The following SEMA6D variants were observed in gnomAD, a reference collection of about 807,000 sequenced individuals.
SEMA6D encodes the protein semaphorin-6D.
Under a neutral mutation model 106.6 loss-of-function variants are expected in SEMA6D, and 35 were observed. That is an observed-to-expected ratio of 0.33 (90% confidence interval 0.25 to 0.44). The LOEUF is 0.44. SEMA6D is among the 20% of genes least tolerant of loss of function. The pLI is 1.00. For synonymous variants in SEMA6D, 499 were observed against 487.7 expected (o/e 1.02, Z -0.31); for missense variants, 1,185 against 1,345.9 (o/e 0.88, Z 1.87).
intron 4 of SEMA6D, among the ~76,000 whole-genome samples, chr15:47,611,148 T>TACACACACAC (rs71432248): frequency 0.013 from 1,874 of 141,610 alleles, 35 homozygotes; most frequent in African/African-American, 0.046. Flanking sequence ...CCGTCCTACA[T>TACACACACAC]ACACACACAC....
intron 1 of SEMA6D, among the ~76,000 whole-genome samples, chr15:47,408,308 C>G (rs544503502): frequency 1.1e-4 from 16 of 152,264 alleles, no homozygotes; most frequent in African/African-American, 3.9e-4. Context: ...AATGTATCTA[C>G]TGAGTAGTGT....
intron 1 of SEMA6D, among the ~76,000 whole-genome samples, chr15:47,259,464 CTT>C (rs59400435): frequency 6.9e-6 from 1 of 144,670 alleles, no homozygotes; most frequent in Non-Finnish European, 1.5e-5. Flanking sequence ...GTTGAGAGTT[CTT>C]TTTTTTTTTT....
At chr15:47,587,172 G>A (rs552549020) in intron 3 of SEMA6D, among the ~76,000 whole-genome samples, 1 of 152,200 alleles carries the variant, frequency 6.6e-6, no homozygotes, top group East Asian at 1.9e-4. Context: ...AAAGCTGAAG[G>A]AGGCAGGCTG....
rs765504142 is a variant in SEMA6D, at chr15:47,486,155, A to T, written c.-87+15610A>T. On this transcript the variant is annotated intron_variant, in intron 3 of 19. Coordinates refer to the SEMA6D transcript ENST00000558014. ...AACTCATTTTTAGTTAAAGCATTTT[A>T]AAAAAGTATACAAGGCAGAGTTGCA... Among the ~76,000 whole-genome samples, 8 of 152,316 alleles carry T rather than the reference A, an allele frequency of 5.3e-5. No homozygotes were observed. The South Asian group carries it at 6.2e-4, about 12-fold the overall frequency.
At chr15:47,564,872 G>A (rs937787347) in intron 3 of SEMA6D, among the ~76,000 whole-genome samples, 2 of 152,110 alleles carry the variant, frequency 1.3e-5, no homozygotes, top group Non-Finnish European at 2.9e-5. Context: ...GGACAACTAT[G>A]GCTGGATGTT....
intron 3 of SEMA6D, among the ~76,000 whole-genome samples, chr15:47,553,344 T>C (rs2045820322): frequency 6.6e-6 from 1 of 152,156 alleles, no homozygotes; most frequent in African/African-American, 2.4e-5. Flanking sequence ...CATAATTGCC[T>C]CTAACTACCA....
At chr15:47,635,210 G>A (rs1484871792) in intron 4 of SEMA6D, among the ~76,000 whole-genome samples, 1 of 152,146 alleles carries the variant, frequency 6.6e-6, no homozygotes, top group Non-Finnish European at 1.5e-5. Flanking sequence ...CAGGAACTAG[G>A]GGAATGTTTA....
chr15:47,312,679 T>C (rs535415518), intron 1 of SEMA6D, among the ~76,000 whole-genome samples: 2 of 152,214 alleles, frequency 1.3e-5, no homozygotes, highest in Middle Eastern at 3.4e-3. Context: ...TTCTCTAATA[T>C]CTATATTAAA....
intron 3 of SEMA6D, among the ~76,000 whole-genome samples, chr15:47,595,496 A>G (rs2076517854): frequency 6.6e-6 from 1 of 152,058 alleles, no homozygotes; most frequent in Non-Finnish European, 1.5e-5. Context: ...GTTGTTGTTG[A>G]GGATTTTTGC....
rs553706048 is a variant in SEMA6D at position 47,762,338 on chromosome 15, G to A, written c.658+19G>A. On this transcript the variant is annotated intron_variant, in intron 8 of 18. Coordinates refer to ENST00000536845, the MANE Select transcript of SEMA6D (RefSeq NM_001358351.3). ...ATAAAAGGTACCTTTGAAGAGCAGT[G>A]TCGTGGGGTCACCAGGATAGTGGAT... The A allele has an allele frequency of 8.1e-6, 13 of 1,611,592 alleles. No homozygotes were observed. The African/African-American group carries it at 1.6e-4, about 20-fold the overall frequency.
At chr15:47,270,073 A>G (rs962363167) in intron 1 of SEMA6D, among the ~76,000 whole-genome samples, 1 of 150,080 alleles carries the variant, frequency 6.7e-6, no homozygotes, top group Non-Finnish European at 1.5e-5. Flanking sequence ...AACATCTTTC[A>G]TTGTATTTAT....
chr15:47,585,575 C>T (rs1267598555), intron 3 of SEMA6D, among the ~76,000 whole-genome samples: 1 of 152,148 alleles, frequency 6.6e-6, no homozygotes, highest in Non-Finnish European at 1.5e-5. Flanking sequence ...ACCTTTTCTA[C>T]AACAAGTTTC....
Position 47,301,497 on chromosome 15 carries a change from A to G in SEMA6D, c.-238-110896A>G, listed in dbSNP as rs533972767. 4.6e-5 allele frequency among the ~76,000 whole-genome samples: 7 copies of G among 152,322 alleles called. No homozygotes were observed. The East Asian group carries it at 1.3e-3, about 29-fold the overall frequency. On this transcript the variant is annotated intron_variant, in intron 1 of 19. Transcript: ENST00000558014. ...ACAGGTAGCTACTGCTCTTCCCTCCACCTTGGCTGTTTGTGAAGAGGCAGG... is the reference window on the plus strand; with the variant it reads ...ACAGGTAGCTACTGCTCTTCCCTCCGCCTTGGCTGTTTGTGAAGAGGCAGG...
chr15:47,618,170 G>T (rs775145887), intron 4 of SEMA6D, among the ~76,000 whole-genome samples: 1 of 152,208 alleles, frequency 6.6e-6, no homozygotes, highest in Admixed American at 6.5e-5. Flanking sequence ...CACTCTTTCA[G>T]TGCTTAGATG....
intron 1 of SEMA6D, among the ~76,000 whole-genome samples, chr15:47,282,332 G>A (rs932562283): frequency 1.3e-5 from 2 of 151,798 alleles, no homozygotes; most frequent in African/African-American, 4.8e-5. Context: ...TGCTCTTTGT[G>A]TCGGCTTCTT....
chr15:47,499,992 A>G (rs1032480977), intron 3 of SEMA6D, among the ~76,000 whole-genome samples: 1 of 152,166 alleles, frequency 6.6e-6, no homozygotes, highest in Non-Finnish European at 1.5e-5. Flanking sequence ...TAATCCCTCA[A>G]TGATAAGCTC....
At chr15:47,447,765 G>A (rs1192526427) in intron 2 of SEMA6D, among the ~76,000 whole-genome samples, 3 of 152,140 alleles carry the variant, frequency 2.0e-5, no homozygotes, top group Non-Finnish European at 4.4e-5. Flanking sequence ...AGGAGCACAG[G>A]CAAAATAGCC....
Position 47,436,766 on chromosome 15 carries a change from AAAAT to A in SEMA6D, c.-159+24296_-159+24299del, listed in dbSNP as rs1220455964. ...GGCAGTCCTATCTCTATTAAAAAAA[AAAAT>A]ATATATATATATATATAGCTGGAAG... is the stretch of plus-strand genomic sequence containing the variant. On this transcript the variant is annotated intron_variant, in intron 2 of 19. Transcript: ENST00000558014. Among the ~76,000 whole-genome samples the A allele has an allele frequency of 6.0e-4, 50 of 83,670 alleles. No individual in the cohort carries two copies. The East Asian group carries it at 8.4e-3, about 14-fold the overall frequency. The allele number at this position is 83,670 out of a possible 152,430, so 54.9% of individuals were successfully genotyped here. A position where few individuals can be genotyped will look rare whatever the true frequency, so the allele number is the denominator to read the frequency against.
intron 4 of SEMA6D, among the ~76,000 whole-genome samples, chr15:47,698,058 C>T (rs2078736432): frequency 6.6e-6 from 1 of 152,122 alleles, no homozygotes; most frequent in Non-Finnish European, 1.5e-5. Flanking sequence ...CAGAAGTCAC[C>T]TAATGTTTAA....
Sources: gnomAD v4.1 joint callset for allele counts (sites outside exome capture counted in the v4.1 genomes callset) on GRCh38, gnomAD v4.1.1 for gene constraint, MANE v1.5 for transcripts, NCBI Gene and HGNC (gene_info 2026-07-23, HGNC 2026-07-21) for gene names.